The following ADAMTS17 variants were observed in gnomAD, a reference collection of about 807,000 sequenced individuals.
The protein encoded by ADAMTS17 is A disintegrin and metalloproteinase with thrombospondin motifs 17.
In ADAMTS17, 113 loss-of-function variants were observed where a neutral mutation model predicts 141.5. The ratio of observed to expected loss-of-function variants is 0.80; its 90% confidence interval spans 0.69 to 0.93. The LOEUF is 0.93. Among genes scored for constraint, ADAMTS17 ranks in the 40% least tolerant of loss-of-function variants. The probability of loss-of-function intolerance (pLI) is 0.00; values close to 1 mark genes in which losing one functional copy is unlikely to be tolerated. For missense variants in ADAMTS17, 1,659 were observed against 1,517.9 expected, an observed-to-expected ratio of 1.09 and a Z score of -1.54; for synonymous variants, 768 against 630.6, an observed-to-expected ratio of 1.22 and a Z score of -3.27.
chr15:100,205,413 C>T (rs987000785), intron 7 of ADAMTS17, among the ~76,000 whole-genome samples: 1 of 152,154 alleles, frequency 6.6e-6, no homozygotes, highest in Non-Finnish European at 1.5e-5. Context: ...TGGTGATGTT[C>T]AAAAGGCCAC....
At chr15:100,130,813 A>T (rs1292092003) in intron 12 of ADAMTS17, among the ~76,000 whole-genome samples, 2 of 150,716 alleles carry the variant, frequency 1.3e-5, no homozygotes, top group East Asian at 3.8e-4. Flanking sequence ...CAGATCATTA[A>T]AAGAAATGGT....
intron 7 of ADAMTS17, among the ~76,000 whole-genome samples, chr15:100,209,873 C>T (rs1313316396): frequency 3.3e-5 from 5 of 152,134 alleles, no homozygotes; most frequent in African/African-American, 1.2e-4. Context: ...CAGAATCATC[C>T]CAGACTATGG....
chr15:100,039,063 A>G (rs574557684), intron 18 of ADAMTS17, among the ~76,000 whole-genome samples: 24 of 152,238 alleles, frequency 1.6e-4, no homozygotes, highest in African/African-American at 5.8e-4. Flanking sequence ...TTCATTCCCA[A>G]TCCTTTTTAT....
At chr15:100,292,079 T>TG (rs1397301618) in intron 3 of ADAMTS17, among the ~76,000 whole-genome samples, 2 of 132,758 alleles carry the variant, frequency 1.5e-5, no homozygotes, top group African/African-American at 6.0e-5. Flanking sequence ...GCTCAGCCCG[T>TG]GGGGAGTCAT....
intron 3 of ADAMTS17, among the ~76,000 whole-genome samples, chr15:100,308,261 T>C (rs576405918): frequency 5.5e-4 from 84 of 152,358 alleles, no homozygotes; most frequent in Non-Finnish European, 9.1e-4. Flanking sequence ...AACATTTTAT[T>C]TTATCTGGCA....
intron 8 of ADAMTS17, among the ~76,000 whole-genome samples, chr15:100,187,387 G>A (rs148695606): frequency 5.4e-4 from 82 of 152,296 alleles, no homozygotes; most frequent in African/African-American, 1.8e-3. Flanking sequence ...ACAAGGAAAT[G>A]AACTTTACAG....
At chr15:100,088,330 A>T (rs190189998) in intron 15 of ADAMTS17, among the ~76,000 whole-genome samples, 1 of 152,328 alleles carries the variant, frequency 6.6e-6, no homozygotes, top group African/African-American at 2.4e-5. Flanking sequence ...TGCTCAATGA[A>T]ATAAAAGAGG....
At chr15:100,061,461 C>A (rs1322547153) in intron 15 of ADAMTS17, among the ~76,000 whole-genome samples, 1 of 152,168 alleles carries the variant, frequency 6.6e-6, no homozygotes, top group South Asian at 2.1e-4. Context: ...GGCCCTCAGG[C>A]TTCAGGAGCT....
intron 15 of ADAMTS17, among the ~76,000 whole-genome samples, chr15:100,057,587 G>A (rs1167560081): frequency 1.3e-5 from 2 of 152,134 alleles, no homozygotes; most frequent in Non-Finnish European, 2.9e-5. Context: ...CCCATGACAC[G>A]GCATCTGTTT....
intron 14 of ADAMTS17, among the ~76,000 whole-genome samples, chr15:100,106,799 G>T (rs1020028222): frequency 6.6e-6 from 1 of 152,214 alleles, no homozygotes; most frequent in African/African-American, 2.4e-5. Context: ...CACTTGGCTG[G>T]TTAGAAGTTT....
intron 4 of ADAMTS17, among the ~76,000 whole-genome samples, chr15:100,276,384 G>A (rs1443694317): frequency 1.3e-4 from 6 of 46,380 alleles, no homozygotes; most frequent in Admixed American, 6.5e-4. Context: ...TGGTGGGAGA[G>A]TGGGAGGGAG....
intron 13 of ADAMTS17, among the ~76,000 whole-genome samples, chr15:100,111,560 G>A (rs1447731787): frequency 6.6e-6 from 1 of 152,250 alleles, no homozygotes; most frequent in Non-Finnish European, 1.5e-5. Context: ...AGCCCCCAGC[G>A]TGGAGTCTAC....
chr15:99,984,029 C>A (rs557293294), intron 20 of ADAMTS17, among the ~76,000 whole-genome samples: 1 of 152,152 alleles, frequency 6.6e-6, no homozygotes, highest in Non-Finnish European at 1.5e-5. Context: ...CCTGTGCCGT[C>A]GCTGGGAAAC....
chr15:100,254,170 G>A lies in ADAMTS17; in HGVS notation c.1041C>T (p.Phe347=), dbSNP rs776895204. ...DAAVFVTRTD[F]CVHKDEPCDT... ...CACACGGTTCATCCTTGTGTACACAGAAATCTGTCCTAAAAAATAAAAAAG... is the reference window on the plus strand; with the variant it reads ...CACACGGTTCATCCTTGTGTACACAAAAATCTGTCCTAAAAAATAAAAAAG... The change falls in exon 7 of 22, where the codon TTC becomes TTT. Residue 347 remains phenylalanine (F), a synonymous_variant. Coordinates refer to ENST00000268070, the MANE Select transcript of ADAMTS17 (RefSeq NM_139057.4). The A allele has an allele frequency of 1.2e-5, 19 of 1,613,212 alleles. No homozygotes were observed. The South Asian group carries it at 1.9e-4, about 16-fold the overall frequency.
chr15:100,156,403 A>C (rs1426990176), intron 8 of ADAMTS17, among the ~76,000 whole-genome samples: 1 of 152,072 alleles, frequency 6.6e-6, no homozygotes, highest in Non-Finnish European at 1.5e-5. Flanking sequence ...GCCAACTCCC[A>C]CGTGGAGTTG....
Position 100,082,451 on chromosome 15 carries a change from G to A in ADAMTS17, c.2137+13905C>T, listed in dbSNP as rs542227128. ...GATGGAGTGCAGTGGCGTGATCTCA[G>A]CTAACTGTAACCTCTGCACCCCCAC... is the stretch of plus-strand genomic sequence containing the variant. On this transcript the variant is annotated intron_variant, in intron 15 of 21. Coordinates refer to ENST00000268070, the MANE Select transcript of ADAMTS17 (RefSeq NM_139057.4). 2.0e-5 allele frequency among the ~76,000 whole-genome samples: 3 copies of A among 151,598 alleles called. No individual in the cohort carries two copies. The East Asian group carries it at 5.8e-4, about 29-fold the overall frequency.
chr15:99,974,303 T>A lies in ADAMTS17; in HGVS notation c.*99A>T. 6.6e-7 allele frequency: 1 copy of A among 1,510,184 alleles called. No homozygotes were observed. Among genetic ancestry groups the A allele is most frequent in the Non-Finnish European group, 9.1e-7 (1 of 1,094,196 alleles). 93.5% of individuals were successfully genotyped at this position (1,510,184 alleles called of 1,614,324 possible). On this transcript the variant is annotated 3_prime_UTR_variant, in exon 22 of 22. Transcript: ENST00000268070. ...CATGTTCTATGTAGTTGGATTCTTGTGGCAGCCGGGTGGGGGCGTGGCCAC... is the reference window on the plus strand; with the variant it reads ...CATGTTCTATGTAGTTGGATTCTTGAGGCAGCCGGGTGGGGGCGTGGCCAC...
At chr15:100,332,515 G>A (rs776980247) in intron 2 of ADAMTS17, among the ~76,000 whole-genome samples, 3 of 152,212 alleles carry the variant, frequency 2.0e-5, no homozygotes, top group African/African-American at 2.4e-5. Flanking sequence ...CCCTGGCTGT[G>A]GGTCAAAGCC....
At chr15:100,333,158 C>G (rs549871306) in intron 2 of ADAMTS17, among the ~76,000 whole-genome samples, 1 of 152,320 alleles carries the variant, frequency 6.6e-6, no homozygotes. Context: ...CCGCAGCCCC[C>G]TGCACTCTTA....
Sources: gnomAD v4.1 joint callset for allele counts (sites outside exome capture counted in the v4.1 genomes callset) on GRCh38, gnomAD v4.1.1 for gene constraint, MANE v1.5 for transcripts, NCBI Gene and HGNC (gene_info 2026-07-23, HGNC 2026-07-21) for gene names.